The following PCDHA7 variants were observed in gnomAD, a reference collection of about 807,000 sequenced individuals.
PCDHA7 encodes the protein protocadherin alpha-7.
Under a neutral mutation model 57.2 loss-of-function variants are expected in PCDHA7, and 37 were observed. That is an observed-to-expected ratio of 0.65 (90% CI 0.50 to 0.85). The LOEUF (loss-of-function observed/expected upper bound fraction) is 0.85, where lower values mean the gene tolerates loss of function less well. Ranked by LOEUF, PCDHA7 falls within the 40% of genes least tolerant of loss-of-function variation. The pLI is 0.00. For missense variants in PCDHA7, 1,188 were observed against 1,241.8 expected (o/e 0.96, Z 0.65); for synonymous variants, 553 against 558.8 (o/e 0.99, Z 0.15).
At chr5:140,915,266 C>T (rs1554196835) in intron 1 of PCDHA7, among the ~76,000 whole-genome samples, 1 of 151,940 alleles carries the variant, frequency 6.6e-6, no homozygotes, top group Non-Finnish European at 1.5e-5. Context: ...TTATTTTTGA[C>T]CAGTTCATCA....
intron 1 of PCDHA7, among the ~76,000 whole-genome samples, chr5:140,976,253 T>G (rs1554237440): frequency 6.6e-6 from 1 of 152,124 alleles, no homozygotes; most frequent in Non-Finnish European, 1.5e-5. Context: ...TAAATTTATT[T>G]AAAACACAGA....
At chr5:140,922,288 T>C (rs2080761283) in intron 1 of PCDHA7, among the ~76,000 whole-genome samples, 1 of 152,150 alleles carries the variant, frequency 6.6e-6, no homozygotes, top group African/African-American at 2.4e-5. Context: ...GATATGAAAA[T>C]GCTAGGAGAG....
At position 140,849,885 on chromosome 5, in the gene PCDHA7, G is replaced by A. The variant is rs2150456327; in HGVS notation, c.2355+13147G>A. On this transcript the variant is annotated intron_variant, in intron 1 of 3. Transcript: ENST00000525929. ...CGCGCAGTCCGAGTACACGGTGTTC[G>A]TGAAGGAGAACAACCCGCCGGGCTG... The A allele has an allele frequency of 1.6e-5, 25 of 1,598,614 alleles. 3 individuals carry two copies. Among genetic ancestry groups the A allele is most frequent in the Non-Finnish European group, 2.0e-5 (23 of 1,167,994 alleles).
At position 140,841,739 on chromosome 5, in the gene PCDHA7, C is replaced by A. The variant is rs2150321877; in HGVS notation, c.2355+5001C>A. The A allele has an allele frequency of 3.7e-6, 6 of 1,613,880 alleles. No homozygotes were observed. In the South Asian group the frequency reaches 6.6e-5, roughly 18 times the overall value. On this transcript the variant is annotated intron_variant, in intron 1 of 3. Coordinates refer to ENST00000525929, the MANE Select transcript of PCDHA7 (RefSeq NM_018910.3). ...AGTGTTCCGGGTAAAAGACCAAAAG[C>A]TGTTTGTTTCAGAATCCAGAATGCC...
chr5:141,002,019 T>G (rs1420727822), intron 3 of PCDHA7, among the ~76,000 whole-genome samples: 4 of 152,176 alleles, frequency 2.6e-5, no homozygotes, highest in Admixed American at 6.5e-5. Flanking sequence ...CTGCACAGCC[T>G]TCGGTGCCCT....
intron 1 of PCDHA7, among the ~76,000 whole-genome samples, chr5:140,886,288 A>T (rs1227734409): frequency 6.6e-6 from 1 of 151,870 alleles, no homozygotes; most frequent in Non-Finnish European, 1.5e-5. Flanking sequence ...AATTATTTTT[A>T]TATTTATTTA....
Position 140,836,641 on chromosome 5 carries a change from A to G in PCDHA7, c.2258A>G (p.Gln753Arg). The change falls in exon 1 of 4, where the codon CAG (glutamine) becomes CGG (arginine). Residue 753 changes from glutamine to arginine, a missense_variant. By Grantham distance (43) the Gln-to-Arg change is conservative (BLOSUM62 1). Around this residue, in one of 3 missense-constraint regions of PCDHA7, gnomAD observed 892 missense variants for 788.5 expected, o/e 1.13. Transcript: ENST00000525929. ...GTGGGGAGCTGGTCATTCTCCCAGC[A>G]GAGGCGGCAGAGGGTGTGCTCTGGG... ...SAVGSWSFSQ[Q>R]RRQRVCSGEG... The G allele has an allele frequency of 6.2e-7, 1 of 1,613,486 alleles. No individual in the cohort carries two copies. Among genetic ancestry groups the G allele is most frequent in the South Asian group, 1.1e-5 (1 of 91,070 alleles).
rs1199685974 is a variant in PCDHA7 at position 140,838,075 on chromosome 5, ATAGTGTGTGTGTGTGTGTGTGTGTGT to A, written c.2355+1338_2355+1363del. 9.4e-5 allele frequency among the ~76,000 whole-genome samples: 12 copies of A among 128,240 alleles called. 1 individual carries two copies. The highest frequency in any genetic ancestry group is 6.9e-4 in the East Asian group (3 of 4,320). The allele number at this position is 128,240 out of a possible 152,430, so 84.1% of individuals were successfully genotyped here. ...GTTTTCCACTTTAAGTTATATATAT[ATAGTGTGTGTGTGTGTGTGTGTGTGT>A]GTGTGTGTGTGTGTGTGTGTGTGTG... On this transcript the variant is annotated intron_variant, in intron 1 of 3. Transcript: ENST00000525929.
intron 1 of PCDHA7, chr5:140,927,200 A>C (rs2083965383): frequency 6.2e-7 from 1 of 1,613,898 alleles, no homozygotes; most frequent in Non-Finnish European, 8.5e-7. Context: ...GTGCTCGAGG[A>C]CCCGCTGGAG....
chr5:140,939,551 G>A (rs2092410878), intron 1 of PCDHA7, among the ~76,000 whole-genome samples: 1 of 151,156 alleles, frequency 6.6e-6, no homozygotes, highest in African/African-American at 2.5e-5. Flanking sequence ...ATTTCTTGTT[G>A]TATTAGTTTG....
chr5:140,876,976 C>G lies in PCDHA7; in HGVS notation c.2355+40238C>G, dbSNP rs782283591. 6 of 1,612,586 alleles carry G rather than the reference C, an allele frequency of 3.7e-6. No homozygotes were observed. In the Admixed American group the frequency reaches 5.0e-5, roughly 13 times the overall value. ...GCTGGTGGAGCGGCGGGTGGGCGAG[C>G]ACGCACTGTCGAGCTACGTGTCGGT... On this transcript the variant is annotated intron_variant, in intron 1 of 3. Transcript: ENST00000525929.
At chr5:140,966,925 A>T in intron 1 of PCDHA7, 8 of 1,603,462 alleles carry the variant, frequency 5.0e-6, no homozygotes, top group African/African-American at 1.3e-5. Context: ...AGGAGCAGGC[A>T]CCCGGCGCGC....
Position 140,849,726 on chromosome 5 carries a change from A to G in PCDHA7, c.2355+12988A>G, listed in dbSNP as rs1554143227. 2.5e-6 allele frequency: 4 copies of G among 1,598,410 alleles called. 1 individual carries two copies. Among genetic ancestry groups the G allele is most frequent in the Non-Finnish European group, 3.4e-6 (4 of 1,168,000 alleles). On this transcript the variant is annotated intron_variant, in intron 1 of 3. Transcript: ENST00000525929. ...GAATTACTACTCGTTGGTGCTGGAC[A>G]GAGCTCTGGACCGCGAGAGTGTGTC...
intron 1 of PCDHA7, chr5:140,852,488 G>A (rs1554145834): frequency 4.7e-6 from 1 of 213,506 alleles, no homozygotes; most frequent in African/African-American, 2.4e-5. Context: ...ATGTTGGCCA[G>A]GTTGGTCTCG....
intron 1 of PCDHA7, among the ~76,000 whole-genome samples, chr5:140,962,688 G>C (rs1433931568): frequency 2.0e-5 from 3 of 152,164 alleles, no homozygotes; most frequent in African/African-American, 7.2e-5. Context: ...TGTTTTATCT[G>C]TAAATAATGC....
At chr5:140,979,548 C>A (rs2153819465) in intron 2 of PCDHA7, among the ~76,000 whole-genome samples, 1 of 152,286 alleles carries the variant, frequency 6.6e-6, no homozygotes, top group African/African-American at 2.4e-5. Context: ...TGACATGGTT[C>A]TTCAGAAGAT....
chr5:140,841,586 C>T (rs1327577851), intron 1 of PCDHA7: 1 of 1,614,026 alleles, frequency 6.2e-7, no homozygotes, highest in Non-Finnish European at 8.5e-7. Flanking sequence ...TGTGAATTCT[C>T]GGATCGACCG....
rs140697336 is a variant in PCDHA7 at position 140,835,530 on chromosome 5, G to C, written c.1147G>C (p.Gly383Arg). Residue 383 changes from glycine to arginine, a missense_variant, in exon 1 of 4, where the codon GGA becomes CGA. Gly to Arg is a moderately radical substitution (Grantham distance 125, BLOSUM62 -2). Around this residue, in one of 3 missense-constraint regions of PCDHA7, gnomAD observed 892 missense variants for 788.5 expected, o/e 1.13. Transcript: ENST00000525929. The part of the protein sequence containing the change: ...SVFDRDFGVN[G>R]QVTCSLTPRV... ...GTTTGACCGAGATTTTGGAGTCAAC[G>C]GACAGGTTACCTGCTCCCTGACGCC... 1.3e-4 allele frequency: 204 copies of C among 1,613,820 alleles called. 2 individuals carry two copies. The highest frequency in any genetic ancestry group is 2.2e-4 in the Admixed American group (13 of 59,990).
intron 1 of PCDHA7, among the ~76,000 whole-genome samples, chr5:140,902,680 C>T (rs943072063): frequency 3.9e-5 from 6 of 152,094 alleles, no homozygotes; most frequent in Admixed American, 6.5e-5. Context: ...GTACACCGTA[C>T]CTAATATGTG....
Sources: allele counts gnomAD v4.1 joint callset (sites outside exome capture counted in the v4.1 genomes callset), GRCh38; gene constraint gnomAD v4.1.1; regional missense constraint gnomAD v4.1.1; transcripts MANE v1.5; gene names NCBI Gene and HGNC (gene_info 2026-07-23, HGNC 2026-07-21).